Variants in EPN2 observed in about 807,000 individuals in gnomAD.
EPN2 encodes epsin-2.
Under a neutral mutation model 61.7 loss-of-function variants are expected in EPN2, and 34 were observed. That is an observed-to-expected ratio of 0.55 (90% CI 0.42 to 0.73). EPN2 has a LOEUF of 0.73. EPN2 is among the 30% of genes least tolerant of loss of function. The pLI is 0.00. For missense variants in EPN2, 714 were observed against 839.2 expected, an observed-to-expected ratio of 0.85 and a Z score of 1.84; for synonymous variants, 349 against 353.6, an observed-to-expected ratio of 0.99 and a Z score of 0.15.
At position 19,335,056 on chromosome 17, in the gene EPN2, A is replaced by G. The variant is rs1598031094; in HGVS notation, c.*802A>G. 1 of 176,096 alleles carries G rather than the reference A, an allele frequency of 5.7e-6. No individual in the cohort carries two copies. The allele number at this position is 176,096 out of a possible 1,614,324, so 10.9% of individuals were successfully genotyped here. On this transcript the variant is annotated 3_prime_UTR_variant, in exon 11 of 11. Coordinates refer to ENST00000314728, the MANE Select transcript of EPN2 (RefSeq NM_014964.5). ...TTATTTATGGTTTTAACTCTAAGAA[A>G]ATTTTAAAAGGAAGAGATGTTTGGA...
At chr17:19,250,637 GT>G (rs2045004865) in intron 1 of EPN2, among the ~76,000 whole-genome samples, 1 of 152,174 alleles carries the variant, frequency 6.6e-6, no homozygotes, top group Admixed American at 6.5e-5. Flanking sequence ...CAGAGCCAGT[GT>G]CGGCGCCATC....
At chr17:19,246,406 G>A (rs1232454454) in intron 1 of EPN2, among the ~76,000 whole-genome samples, 1 of 152,078 alleles carries the variant, frequency 6.6e-6, no homozygotes, top group Non-Finnish European at 1.5e-5. Flanking sequence ...TCCCCAGTAG[G>A]CAATTAACAC....
At chr17:19,332,221 A>G (rs544141943) in intron 10 of EPN2, among the ~76,000 whole-genome samples, 153 bp downstream of exon 10, 1 of 152,118 alleles carries the variant, frequency 6.6e-6, no homozygotes, top group East Asian at 1.9e-4. Context: ...CCAGTGCTGC[A>G]TGGGGTGGGG....
chr17:19,315,324 G>A (rs1906334654), intron 7 of EPN2, among the ~76,000 whole-genome samples: 1 of 152,124 alleles, frequency 6.6e-6, no homozygotes, highest in African/African-American at 2.4e-5. Context: ...GCACCCTGGG[G>A]TGAGACTCGG....
chr17:19,270,687 C>T (rs762877744), intron 1 of EPN2, among the ~76,000 whole-genome samples: 1 of 152,188 alleles, frequency 6.6e-6, no homozygotes, highest in African/African-American at 2.4e-5. Flanking sequence ...CAGCTTGCCT[C>T]GGACCATGCA....
intron 4 of EPN2, among the ~76,000 whole-genome samples, chr17:19,305,096 A>G (rs1598010680): frequency 6.6e-6 from 1 of 152,100 alleles, no homozygotes; most frequent in Non-Finnish European, 1.5e-5. Context: ...CATGTGCTGT[A>G]AAATGTAAAA....
intron 7 of EPN2, among the ~76,000 whole-genome samples, chr17:19,325,840 A>G (rs1040205173): frequency 1.3e-5 from 2 of 152,222 alleles, no homozygotes; most frequent in African/African-American, 4.8e-5. Context: ...ATTTCTACAG[A>G]TAAGTTATTA....
intron 1 of EPN2, among the ~76,000 whole-genome samples, chr17:19,269,324 T>C (rs979800583): frequency 1.3e-5 from 2 of 152,176 alleles, no homozygotes; most frequent in African/African-American, 4.8e-5. Flanking sequence ...GGAAGTAATA[T>C]TTTTACTCTG....
intron 1 of EPN2, among the ~76,000 whole-genome samples, chr17:19,247,041 A>T (rs2044960613): frequency 6.6e-6 from 1 of 151,304 alleles, no homozygotes; most frequent in South Asian, 2.1e-4. Flanking sequence ...AAGTACTGGG[A>T]TTACAGGCGT....
At chr17:19,294,799 G>T (rs1186586414) in intron 4 of EPN2, among the ~76,000 whole-genome samples, 2 of 152,154 alleles carry the variant, frequency 1.3e-5, no homozygotes, top group Non-Finnish European at 2.9e-5. Context: ...CCCAGGTACT[G>T]CGGTGGCACT....
chr17:19,283,212 C>T lies in EPN2; in HGVS notation c.93C>T (p.Asp31=). 4.3e-6 allele frequency: 7 copies of T among 1,614,202 alleles called. No homozygotes were observed. The highest frequency in any genetic ancestry group is 2.2e-5 in the East Asian group (1 of 44,890). ...AAGTCCGGGAAGCCACCTCCAATGACCCGTGGGGCCCGTCCAGTTCTCTGA... is the reference window on the plus strand; with the variant it reads ...AAGTCCGGGAAGCCACCTCCAATGATCCGTGGGGCCCGTCCAGTTCTCTGA... ...EIKVREATSN[D]PWGPSSSLMT... is the part of the protein sequence containing the mutation. Residue 31 remains aspartate, a synonymous_variant, in exon 3 of 11, where the codon GAC becomes GAT. Coordinates refer to ENST00000314728, the MANE Select transcript of EPN2 (RefSeq NM_014964.5). The surrounding 1 kb of genome is among the most constrained non-coding windows in gnomAD (Gnocchi z 7.0).
At chr17:19,327,553 G>A in intron 7 of EPN2, among the ~76,000 whole-genome samples, 1 of 152,124 alleles carries the variant, frequency 6.6e-6, no homozygotes, top group Non-Finnish European at 1.5e-5. Flanking sequence ...CATTCCTGTA[G>A]TCCCAGCTAC....
chr17:19,245,590 C>T (rs996190205), intron 1 of EPN2, among the ~76,000 whole-genome samples: 3 of 151,862 alleles, frequency 2.0e-5, no homozygotes, highest in African/African-American at 7.3e-5. Context: ...GCATGTGCCA[C>T]CACACCCAGC....
intron 7 of EPN2, among the ~76,000 whole-genome samples, chr17:19,328,466 T>C (rs1907000933): frequency 6.6e-6 from 1 of 152,074 alleles, no homozygotes; most frequent in Admixed American, 6.5e-5. Context: ...CTCTGGTCAT[T>C]ACTAGAGGAC....
At chr17:19,302,885 G>A (rs1243605229) in intron 4 of EPN2, among the ~76,000 whole-genome samples, 9 of 152,168 alleles carry the variant, frequency 5.9e-5, no homozygotes, top group South Asian at 4.1e-4. Flanking sequence ...CCGTGCTCTC[G>A]TCTGCCACAC....
intron 7 of EPN2, among the ~76,000 whole-genome samples, chr17:19,315,802 A>G (rs1906355572): frequency 6.6e-6 from 1 of 152,196 alleles, no homozygotes; most frequent in Non-Finnish European, 1.5e-5. Flanking sequence ...ACCATTTTAA[A>G]GCGGACACTT....
chr17:19,244,521 C>T (rs2044924174), intron 1 of EPN2, among the ~76,000 whole-genome samples: 1 of 151,914 alleles, frequency 6.6e-6, no homozygotes, highest in Non-Finnish European at 1.5e-5. Context: ...TTGTTGGGTC[C>T]TGGATTCCCA....
intron 4 of EPN2, among the ~76,000 whole-genome samples, chr17:19,305,477 A>C (rs952777892): frequency 1.3e-5 from 2 of 152,098 alleles, no homozygotes; most frequent in East Asian, 3.9e-4. Context: ...TGACCTATCC[A>C]TGCAGATTAG....
chr17:19,317,124 C>G (rs929666910), intron 7 of EPN2, among the ~76,000 whole-genome samples: 1 of 152,232 alleles, frequency 6.6e-6, no homozygotes, highest in African/African-American at 2.4e-5. Context: ...GTTAGCTGTG[C>G]CCTCTGGATG....
Sources: allele counts gnomAD v4.1 joint callset (sites outside exome capture counted in the v4.1 genomes callset), GRCh38; gene constraint gnomAD v4.1.1; non-coding constraint Gnocchi (gnomAD v3.1); transcripts MANE v1.5; gene names NCBI Gene and HGNC (gene_info 2026-07-23, HGNC 2026-07-21).